The following ANKRD34B variants were observed in gnomAD, a reference collection of about 807,000 sequenced individuals.
ANKRD34B encodes ankyrin repeat domain 34B, also known as ankyrin repeat domain-containing protein 34B.
ANKRD34B carries 2 observed loss-of-function variants against 4.4 expected under a neutral mutation model. The observed-to-expected ratio is 0.46, with a 90% CI of 0.19 to 1.44. The LOEUF (loss-of-function observed/expected upper bound fraction) is 1.44. Among genes scored for constraint, ANKRD34B ranks in the 40% most tolerant of loss-of-function variants. ANKRD34B has a pLI of 0.26. For missense variants in ANKRD34B, 558 were observed against 604.7 expected, an observed-to-expected ratio of 0.92 and a Z score of 0.81; for synonymous variants, 226 against 227.1, an observed-to-expected ratio of 0.99 and a Z score of 0.05.
chr5:80,561,225 C>T (rs1746396188), intron 4 of ANKRD34B, among the ~76,000 whole-genome samples: 1 of 151,960 alleles, frequency 6.6e-6, no homozygotes, highest in Non-Finnish European at 1.5e-5. Context: ...AGAATTATGT[C>T]TTCATCGAGG....
At chr5:80,561,442 A>G (rs1746403227) in intron 4 of ANKRD34B, among the ~76,000 whole-genome samples, 1 of 152,226 alleles carries the variant, frequency 6.6e-6, no homozygotes, top group African/African-American at 2.4e-5. Context: ...AAATCTAATA[A>G]CCAAAAGAAA....
At chr5:80,565,460 G>A (rs1244713654) in intron 3 of ANKRD34B, among the ~76,000 whole-genome samples, 1 of 152,196 alleles carries the variant, frequency 6.6e-6, no homozygotes, top group Non-Finnish European at 1.5e-5. Flanking sequence ...AGAAAGTTCA[G>A]GCATCCGACA....
intron 3 of ANKRD34B, among the ~76,000 whole-genome samples, chr5:80,565,418 T>G (rs1034406450): frequency 3.9e-5 from 6 of 152,272 alleles, no homozygotes; most frequent in Non-Finnish European, 7.3e-5. Context: ...CAAATTCAGT[T>G]GTACCTTCGA....
rs551674336 is a variant in ANKRD34B, at chr5:80,559,923, C to G, written c.97G>C (p.Gly33Arg). 2 of 1,614,166 alleles carry G rather than the reference C, an allele frequency of 1.2e-6. No individual in the cohort carries two copies. The highest frequency in any genetic ancestry group is 4.5e-5 in the East Asian group (2 of 44,886). Residue 33 changes from glycine (G) to arginine (R), a missense_variant, in exon 5 of 5, where the codon GGT (glycine) becomes CGT (arginine). Gly to Arg is a moderately radical substitution (Grantham distance 125, BLOSUM62 -2). Transcript: ENST00000338682. The part of the protein sequence containing the change: ...LRLTRLLLEG[G>R]AYINESNDRG... ...TCGTTGCTCTCATTAATGTAGGCACCGCCTTCTAGCAAAAGTCTTGTGAGG... is the reference window on the plus strand; with the variant it reads ...TCGTTGCTCTCATTAATGTAGGCACGGCCTTCTAGCAAAAGTCTTGTGAGG...
In ANKRD34B at chr5:80,558,899, T is replaced by G. The variant is rs1475067810; in HGVS notation, c.1121A>C (p.Gln374Pro). 1 of 1,614,174 alleles carries G rather than the reference T, an allele frequency of 6.2e-7. No individual in the cohort carries two copies. Among genetic ancestry groups the G allele is most frequent in the Non-Finnish European group, 8.5e-7 (1 of 1,180,024 alleles). ...LGANHYSSDS[Q>P]LSAGLTPPTS... ...TGGAGGGGTAAGGCCAGCTGAGAGC[T>G]GGGAATCAGAGCTGTAGTGATTTGC... Residue 374 changes from glutamine to proline, a missense_variant, in exon 5 of 5, where the codon CAG becomes CCG. Transcript: ENST00000338682.
Position 80,559,956 on chromosome 5 carries a change from G to A in ANKRD34B, c.64C>T (p.Arg22Trp), listed in dbSNP as rs750831837. 1.2e-5 allele frequency: 20 copies of A among 1,613,182 alleles called. No homozygotes were observed. Among genetic ancestry groups the A allele is most frequent in the Middle Eastern group, 1.6e-4 (1 of 6,076 alleles). The change falls in exon 5 of 5, where the codon CGG (arginine) becomes TGG (tryptophan). Residue 22 changes from arginine to tryptophan, a missense_variant. By Grantham distance (101) the Arg-to-Trp change is moderately radical (BLOSUM62 -3). Transcript: ENST00000338682. ...NSLIKAVHQS[R>W]LRLTRLLLEG... Reference sequence around the variant, plus strand: ...AGCAAAAGTCTTGTGAGGCGAAGCCGGCTCTGATGGACTGCTTTGATCAAG... The same window carrying A: ...AGCAAAAGTCTTGTGAGGCGAAGCCAGCTCTGATGGACTGCTTTGATCAAG...
Position 80,559,949 on chromosome 5 carries a change from C to G in ANKRD34B, c.71G>C (p.Arg24Pro). Residue 24 changes from arginine (R) to proline (P), a missense_variant, in exon 5 of 5, where the codon CGC (arginine) becomes CCC (proline). Physicochemically the swap from Arg to Pro is moderately radical, Grantham distance 103. Transcript: ENST00000338682. ...LIKAVHQSRL[R>P]LTRLLLEGGA... ...GCCTTCTAGCAAAAGTCTTGTGAGG[C>G]GAAGCCGGCTCTGATGGACTGCTTT... 6.2e-7 allele frequency: 1 copy of G among 1,613,794 alleles called. No homozygotes were observed. The highest frequency in any genetic ancestry group is 2.2e-5 in the East Asian group (1 of 44,884).
chr5:80,566,412 A>T (rs550225135), intron 3 of ANKRD34B, among the ~76,000 whole-genome samples: 4 of 152,306 alleles, frequency 2.6e-5, no homozygotes, highest in African/African-American at 9.6e-5. Context: ...TAGGCAAGAA[A>T]ATGAAGATTT....
chr5:80,559,353 TATC>T lies in ANKRD34B; in HGVS notation c.664_666del (p.Asp222del). ...CTCACAGGGGAACCTGGGTCCCAGG[TATC>T]ATCATTGCTTCCAGCAAGCTCAAGA... On this transcript the variant is annotated inframe_deletion, in exon 5 of 5. Coordinates refer to ENST00000338682, the MANE Select transcript of ANKRD34B (RefSeq NM_001004441.3). 1 of 1,614,180 alleles carries T rather than the reference TATC, an allele frequency of 6.2e-7. No homozygotes were observed. Among genetic ancestry groups the T allele is most frequent in the Non-Finnish European group, 8.5e-7 (1 of 1,180,032 alleles).
chr5:80,568,128 C>T (rs995987727), intron 2 of ANKRD34B, among the ~76,000 whole-genome samples: 1 of 152,308 alleles, frequency 6.6e-6, no homozygotes, highest in Admixed American at 6.5e-5. Flanking sequence ...GTTCCCTATA[C>T]CAATGGGTTC....
chr5:80,558,974 G>A lies in ANKRD34B; in HGVS notation c.1046C>T (p.Thr349Ile), dbSNP rs143937500. Residue 349 changes from threonine (T) to isoleucine (I), a missense_variant, in exon 5 of 5, where the codon ACA becomes ATA. Physicochemically the swap from Thr to Ile is moderately conservative, Grantham distance 89. Coordinates refer to ENST00000338682, the MANE Select transcript of ANKRD34B (RefSeq NM_001004441.3). ...ACTTCTTAAGGTGGAAGCAAATATT[G>A]TCTGGTTAGAATCTGGGTCCTGGTC... ...PVDQDPDSNQ[T>I]IFASTLRSIV... is the part of the protein sequence containing the mutation. 1.0e-4 allele frequency: 168 copies of A among 1,614,182 alleles called. No individual in the cohort carries two copies. In the Middle Eastern group the frequency reaches 1.3e-3, roughly 13 times the overall value.
In ANKRD34B at chr5:80,558,630, T is replaced by C. The variant is rs1173769897; in HGVS notation, c.1390A>G (p.Asn464Asp). ...AGGCTGCAAATCTTGTTGTTGACAT[T>C]GATATCTGAGATGGGAGGGTGAGAA... is the stretch of plus-strand genomic sequence containing the variant. ...VNSHPPISDI[N>D]VNNKICSLLS... is the part of the protein sequence containing the mutation. The change falls in exon 5 of 5, where the codon AAT (asparagine) becomes GAT (aspartate). Residue 464 changes from asparagine to aspartate, a missense_variant. Transcript: ENST00000338682. 6.2e-7 allele frequency: 1 copy of C among 1,614,168 alleles called. No individual in the cohort carries two copies.
rs1746360425 is a variant in ANKRD34B at position 80,559,701 on chromosome 5, T to C, written c.319A>G (p.Ser107Gly). ...TCTTGCAAGCTGAGGTCAGCCCCAC[T>C]CTTGAGGAGCAAGGAAACAACTTCA... ...GPEVVSLLLKSGADLSLQDHS... is the reference protein window; with the variant it reads ...GPEVVSLLLKGGADLSLQDHS... The change falls in exon 5 of 5, where the codon AGT becomes GGT. Residue 107 changes from serine (S) to glycine (G), a missense_variant. Coordinates refer to ENST00000338682, the MANE Select transcript of ANKRD34B (RefSeq NM_001004441.3). 2 of 1,614,222 alleles carry C rather than the reference T, an allele frequency of 1.2e-6. No individual in the cohort carries two copies. The highest frequency in any genetic ancestry group is 1.7e-6 in the Non-Finnish European group (2 of 1,180,048).
chr5:80,560,850 AT>A (rs1411323598), intron 4 of ANKRD34B, among the ~76,000 whole-genome samples: 1 of 152,178 alleles, frequency 6.6e-6, no homozygotes, highest in African/African-American at 2.4e-5. Context: ...TTTGAGGGAC[AT>A]TTTTATGTTT....
intron 4 of ANKRD34B, among the ~76,000 whole-genome samples, chr5:80,560,275 T>C (rs1746379220): frequency 1.3e-5 from 2 of 152,238 alleles, no homozygotes; most frequent in Admixed American, 6.5e-5. Context: ...TGAATATTTA[T>C]AGCACCAAAA....
chr5:80,567,341 C>T (rs888235971), intron 2 of ANKRD34B, among the ~76,000 whole-genome samples: 10 of 151,688 alleles, frequency 6.6e-5, no homozygotes, highest in African/African-American at 1.9e-4. Context: ...GAAAAGTGGC[C>T]GGGCATGGTG....
intron 4 of ANKRD34B, among the ~76,000 whole-genome samples, chr5:80,561,211 G>A (rs1226595593): frequency 6.6e-6 from 1 of 152,022 alleles, no homozygotes; most frequent in Admixed American, 6.6e-5. Context: ...TCCATTAGGT[G>A]GTAAGAATTA....
intron 1 of ANKRD34B, among the ~76,000 whole-genome samples, chr5:80,569,943 C>T (rs972175850): frequency 2.0e-5 from 3 of 152,208 alleles, no homozygotes; most frequent in Non-Finnish European, 2.9e-5. Flanking sequence ...CCTCGGCTGG[C>T]CCTGGGTCTC....
intron 4 of ANKRD34B, 148 bp from the exon 5 acceptor site, chr5:80,560,190 C>A (rs1228171685): frequency 3.8e-5 from 19 of 497,572 alleles, no homozygotes; most frequent in Non-Finnish European, 7.1e-6. Flanking sequence ...TAGTGAATTG[C>A]AAAATAAAGT....
Sources: gnomAD v4.1 joint callset for allele counts (sites outside exome capture counted in the v4.1 genomes callset) on GRCh38, gnomAD v4.1.1 for gene constraint, MANE v1.5 for transcripts, NCBI Gene and HGNC (gene_info 2026-07-23, HGNC 2026-07-21) for gene names.